Variants in PDE8B observed in about 807,000 individuals in gnomAD.
The protein encoded by PDE8B is high affinity cAMP-specific and IBMX-insensitive 3',5'-cyclic phosphodiesterase 8B.
PDE8B carries 26 observed loss-of-function variants against 101.3 expected under a neutral mutation model. That is an observed-to-expected ratio of 0.26 (90% CI 0.19 to 0.36). The LOEUF (loss-of-function observed/expected upper bound fraction) is 0.36. PDE8B is among the 10% of genes least tolerant of loss of function. The probability of loss-of-function intolerance (pLI) is 1.00; values close to 1 mark genes in which losing one functional copy is unlikely to be tolerated. For synonymous variants in PDE8B, 424 were observed against 429.3 expected (o/e 0.99, Z 0.15); for missense variants, 810 against 1,163.1 (o/e 0.70, Z 4.42).
intron 10 of PDE8B, among the ~76,000 whole-genome samples, chr5:77,370,145 A>G (rs1442490034): frequency 6.6e-6 from 1 of 152,196 alleles, no homozygotes; most frequent in Admixed American, 6.5e-5. Flanking sequence ...CAACAGTTCT[A>G]TATCTGCTTA....
chr5:77,210,503 C>A, upstream of PDE8B: 2 of 406,452 alleles, frequency 4.9e-6, no homozygotes, highest in Non-Finnish European at 6.6e-6. This position sits in a 1 kb window ranked among gnomAD's most constrained non-coding sequence, Gnocchi z 4.9. Flanking sequence ...AAGGTGCAGG[C>A]AGGCGGGCAG....
Position 77,290,339 on chromosome 5 carries a change from G to T in PDE8B, c.340-21655G>T, listed in dbSNP as rs1023050108. On this transcript the variant is annotated intron_variant, in intron 1 of 21. Coordinates refer to ENST00000264917, the MANE Select transcript of PDE8B (RefSeq NM_003719.5). ...AGGTGGGGCTCCGAGAGGAAAATGA[G>T]GGCGTGTATAATGGAAGCTGGGGAG... is the stretch of plus-strand genomic sequence containing the variant. 7 of 1,470,526 alleles carry T rather than the reference G, an allele frequency of 4.8e-6. No individual in the cohort carries two copies. The African/African-American group carries it at 8.4e-5, about 18-fold the overall frequency. The allele number at this position is 1,470,526 out of a possible 1,614,324, so 91.1% of individuals were successfully genotyped here.
At chr5:77,272,512 A>T (rs1313188501) in intron 1 of PDE8B, among the ~76,000 whole-genome samples, 1 of 151,278 alleles carries the variant, frequency 6.6e-6, no homozygotes, top group East Asian at 1.9e-4. Context: ...GTCCTTTAAA[A>T]CCTCCATTTG....
At chr5:77,422,873 C>T (rs1313402379) in intron 20 of PDE8B, among the ~76,000 whole-genome samples, 2 of 152,072 alleles carry the variant, frequency 1.3e-5, no homozygotes, top group African/African-American at 2.4e-5. Flanking sequence ...AGCAGAGGAG[C>T]CCAGTATGTT....
intron 1 of PDE8B, among the ~76,000 whole-genome samples, chr5:77,225,049 A>G (rs1752035326): frequency 6.6e-6 from 1 of 151,990 alleles, no homozygotes; most frequent in Admixed American, 6.6e-5. Context: ...TCTCTTGGAG[A>G]CGTTAGCAGC....
chr5:77,132,276 A>AT, the PDE8B span, among the ~76,000 whole-genome samples: 1 of 152,240 alleles, frequency 6.6e-6, no homozygotes, highest in African/African-American at 2.4e-5. Context: ...TCCAGACTCA[A>AT]TACATTTCCT....
the PDE8B span, among the ~76,000 whole-genome samples, chr5:77,120,996 A>G: frequency 6.6e-6 from 1 of 152,226 alleles, no homozygotes. Flanking sequence ...TGCAGAACCA[A>G]GAGTCAAACA....
intron 1 of PDE8B, among the ~76,000 whole-genome samples, chr5:77,295,041 T>G (rs1055147369): frequency 2.6e-5 from 4 of 152,020 alleles, no homozygotes; most frequent in African/African-American, 9.7e-5. Flanking sequence ...ATAATTGCAC[T>G]ATAAAGGAAA....
chr5:77,315,170 GAAGAAAT>G (rs1561514470), intron 2 of PDE8B, among the ~76,000 whole-genome samples: 2 of 151,902 alleles, frequency 1.3e-5, no homozygotes, highest in Admixed American at 1.3e-4. Flanking sequence ...TTTTCATTTT[GAAGAAAT>G]CTTTCACTTT....
intron 10 of PDE8B, among the ~76,000 whole-genome samples, chr5:77,378,837 C>A (rs574994946): frequency 2.0e-5 from 3 of 152,098 alleles, no homozygotes; most frequent in Non-Finnish European, 4.4e-5. Flanking sequence ...TTTAACAAGC[C>A]CTTCAGGTGA....
chr5:77,221,139 A>G (rs935915679), intron 1 of PDE8B, among the ~76,000 whole-genome samples: 3 of 152,236 alleles, frequency 2.0e-5, no homozygotes, highest in African/African-American at 7.2e-5. Context: ...ATGACAACTT[A>G]ATATCAATCA....
chr5:77,116,356 C>T, the PDE8B span, among the ~76,000 whole-genome samples: 4 of 151,228 alleles, frequency 2.6e-5, no homozygotes, highest in East Asian at 1.9e-4. Context: ...CTCAGCCTCC[C>T]GAGTAGCTGG....
chr5:77,214,765 G>C (rs1341962811), intron 1 of PDE8B, among the ~76,000 whole-genome samples: 2 of 152,098 alleles, frequency 1.3e-5, no homozygotes, highest in African/African-American at 2.4e-5. Flanking sequence ...ATCACCTAGA[G>C]AGCTTGTTAA....
At chr5:77,141,503 A>G in the PDE8B span, 1 of 152,178 alleles carries the variant, frequency 6.6e-6, no homozygotes, top group Non-Finnish European at 1.5e-5. Context: ...TTTAAACTCT[A>G]TGGGGCATTG....
chr5:77,125,382 C>T, the PDE8B span, among the ~76,000 whole-genome samples: 1 of 152,178 alleles, frequency 6.6e-6, no homozygotes, highest in East Asian at 1.9e-4. Context: ...AATTGTGCAG[C>T]TGCAATGGAA....
chr5:77,321,564 A>T (rs1217198264), intron 2 of PDE8B, among the ~76,000 whole-genome samples: 1 of 152,166 alleles, frequency 6.6e-6, no homozygotes, highest in Non-Finnish European at 1.5e-5. Context: ...AGCCTGGGAG[A>T]TGGGAACAAA....
chr5:77,250,917 T>C, intron 1 of PDE8B, among the ~76,000 whole-genome samples: 1 of 152,242 alleles, frequency 6.6e-6, no homozygotes. Flanking sequence ...TTTTTCTTTG[T>C]AGATCAGGTT....
Position 77,229,873 on chromosome 5 carries a change from G to C in PDE8B, c.339+18609G>C, listed in dbSNP as rs56228715. On this transcript the variant is annotated intron_variant, in intron 1 of 21. Coordinates refer to ENST00000264917, the MANE Select transcript of PDE8B (RefSeq NM_003719.5). ...GACATTGGGTTGTTTTGACTTTTTA[G>C]CTCTTAGGAATAATGCTGCTATGAA... is the stretch of plus-strand genomic sequence containing the variant. Among the ~76,000 whole-genome samples the C allele has an allele frequency of 7.5e-3, 1,139 of 152,258 alleles. 17 individuals carry two copies. The highest frequency in any genetic ancestry group is 0.026 in the African/African-American group (1,087 of 41,534).
chr5:77,344,000 G>T (rs1009168730), intron 6 of PDE8B, among the ~76,000 whole-genome samples: 4 of 151,512 alleles, frequency 2.6e-5, no homozygotes, highest in African/African-American at 9.7e-5. Flanking sequence ...TGTCCCACTG[G>T]AAGGTCCTCA....
Sources: gnomAD v4.1 joint callset for allele counts (sites outside exome capture counted in the v4.1 genomes callset) on GRCh38, gnomAD v4.1.1 for gene constraint, Gnocchi (gnomAD v3.1) non-coding constraint, MANE v1.5 for transcripts, NCBI Gene and HGNC (gene_info 2026-07-23, HGNC 2026-07-21) for gene names.